The following LAMP2 variants were observed in gnomAD, a reference collection of about 807,000 sequenced individuals.
LAMP2 encodes the protein lysosome-associated membrane glycoprotein 2.
LAMP2 carries 4 observed loss-of-function variants against 25.6 expected under a neutral mutation model. That is an observed-to-expected ratio of 0.16 (90% CI 0.08 to 0.36). LAMP2 has a LOEUF of 0.36. Ranked by LOEUF, LAMP2 falls within the 10% of genes least tolerant of loss-of-function variation. The pLI is 1.00. For missense variants in LAMP2, 272 were observed against 301.4 expected (o/e 0.90, Z 0.72); for synonymous variants, 108 against 112.7 (o/e 0.96, Z 0.27).
At position 120,442,889 on chromosome X, in the gene LAMP2, T is replaced by A. The variant is rs772284522; in HGVS notation, c.865-227A>T. 5.5e-4 allele frequency among the ~76,000 whole-genome samples: 61 copies of A among 111,910 alleles called. No homozygotes were observed. In the Middle Eastern group the frequency reaches 0.014, roughly 25 times the overall value. ...TGGAGCACAGGTGTAGTCATGTGGA[T>A]CTCAGACACTTGAAGATTTATGGCC... is the stretch of plus-strand genomic sequence containing the variant. On this transcript the variant is annotated intron_variant, in intron 6 of 8. Coordinates refer to ENST00000200639, the MANE Select transcript of LAMP2 (RefSeq NM_002294.3).
intron 6 of LAMP2, among the ~76,000 whole-genome samples, chrX:120,443,806 C>A (rs551336966): frequency 9.0e-6 from 1 of 111,001 alleles, no homozygotes; most frequent in African/African-American, 3.3e-5. Context: ...ACGGTGAAAT[C>A]CCGTCTCTAT....
intron 1 of LAMP2, among the ~76,000 whole-genome samples, chrX:120,461,499 A>G: frequency 9.0e-6 from 1 of 110,536 alleles, no homozygotes; most frequent in South Asian, 3.8e-4. Flanking sequence ...AAAAAGTACC[A>G]AGTCTGTGAA....
intron 8 of LAMP2, among the ~76,000 whole-genome samples, chrX:120,439,708 T>C (rs2058563522): frequency 9.0e-6 from 1 of 110,738 alleles, no homozygotes; most frequent in Non-Finnish European, 1.9e-5. Flanking sequence ...TGTGTGCATA[T>C]ACATATACAT....
At chrX:120,456,018 T>C (rs1255895058) in intron 2 of LAMP2, among the ~76,000 whole-genome samples, 1 of 90,086 alleles carries the variant, frequency 1.1e-5, no homozygotes, top group Non-Finnish European at 2.3e-5. Flanking sequence ...ATTACTTTTG[T>C]ACCAACCTAA....
chrX:120,447,504 C>T (rs2058602237), intron 5 of LAMP2, among the ~76,000 whole-genome samples: 1 of 110,505 alleles, frequency 9.0e-6, no homozygotes, highest in Admixed American at 9.7e-5. Flanking sequence ...GTCAGGAGAT[C>T]GAGACCGTCC....
At chrX:120,442,035 T>A (rs1463926784) in intron 7 of LAMP2, 141 bp from the exon 8 acceptor site, 1 of 511,025 alleles carries the variant, frequency 2.0e-6, no homozygotes, top group Non-Finnish European at 3.4e-6. Flanking sequence ...GCCCAGGAGA[T>A]CAAGACCAGC....
At chrX:120,442,037 A>C in intron 7 of LAMP2, 143 bp from the exon 8 acceptor site, 1 of 506,507 alleles carries the variant, frequency 2.0e-6, no homozygotes. Context: ...CCAGGAGATC[A>C]AGACCAGCCT....
chrX:120,430,754 A>C lies in LAMP2; in HGVS notation c.*569T>G. The stretch of plus-strand genomic sequence containing the variant: ...ACTTGAACTCAGAGAAATCAGCAAA[A>C]GTCACATAACCTTTAAAATGCTGAT... On this transcript the variant is annotated 3_prime_UTR_variant, in exon 9 of 9. Transcript: ENST00000200639. The C allele has an allele frequency of 2.6e-6, 2 of 754,837 alleles. No individual in the cohort carries two copies. Among genetic ancestry groups the C allele is most frequent in the Non-Finnish European group, 3.1e-6 (2 of 639,529 alleles). 62.2% of individuals were successfully genotyped at this position (754,837 alleles called of 1,213,427 possible).
rs149155417 is a variant in LAMP2, at chrX:120,447,830, G to A, written c.741+11C>T. 736 of 1,192,854 alleles carry A rather than the reference G, an allele frequency of 6.2e-4. 10 individuals are homozygous for A. In the East Asian group the frequency reaches 0.021, roughly 34 times the overall value. The stretch of plus-strand genomic sequence containing the variant: ...CAAAAAGGATGTATTGATAAAGATA[G>A]ACACCTATACCTTATCCTGAGTGAT... On this transcript the variant is annotated intron_variant, in intron 5 of 8. Coordinates refer to ENST00000200639, the MANE Select transcript of LAMP2 (RefSeq NM_002294.3).
At chrX:120,439,662 TTA>T (rs780434437) in intron 8 of LAMP2, among the ~76,000 whole-genome samples, 9 of 109,879 alleles carry the variant, frequency 8.2e-5, no homozygotes, top group African/African-American at 1.6e-4. Context: ...AATGCACACA[TTA>T]TATATATGAT....
At chrX:120,468,665 T>C (rs1382419468) in intron 1 of LAMP2, among the ~76,000 whole-genome samples, 1 of 110,604 alleles carries the variant, frequency 9.0e-6, no homozygotes, top group Admixed American at 9.7e-5. Context: ...TGGTCTTCTC[T>C]CTTAATTTCC....
chrX:120,457,474 T>C (rs1921146103), intron 1 of LAMP2, among the ~76,000 whole-genome samples: 1 of 112,410 alleles, frequency 8.9e-6, no homozygotes. Flanking sequence ...AGTTCATCAC[T>C]GTTTCACTTT....
rs2058516684 is a variant in LAMP2 at position 120,430,089 on chromosome X, T to C, written c.*1234A>G. 1.3e-6 allele frequency: 1 copy of C among 752,186 alleles called. No individual in the cohort carries two copies. Among genetic ancestry groups the C allele is most frequent in the Admixed American group, 8.7e-5 (1 of 11,477 alleles). 62.0% of individuals were successfully genotyped at this position (752,186 alleles called of 1,213,427 possible). On this transcript the variant is annotated 3_prime_UTR_variant, in exon 9 of 9. Transcript: ENST00000200639. ...CAGCTGGGTAACAAGATACACTGTA[T>C]TGTTAATCAGGAAGTTATAGAGACT...
At position 120,446,386 on chromosome X, in the gene LAMP2, G is replaced by A; in HGVS notation, c.783C>T (p.Ser261=). 1 of 1,206,268 alleles carries A rather than the reference G, an allele frequency of 8.3e-7. No homozygotes were observed. The highest frequency in any genetic ancestry group is 1.1e-6 in the Non-Finnish European group (1 of 890,662). The change falls in exon 6 of 9, where the codon TCC becomes TCT. Residue 261 remains serine, a synonymous_variant. Coordinates refer to ENST00000200639, the MANE Select transcript of LAMP2 (RefSeq NM_002294.3). ...VININPNTTH[S]TGSCRSHTAL... ...CAGTGTGAGAACGGCAGCTGCCTGT[G>A]GAGTGAGTTGTATTGGGGTTGATGT...
Position 120,449,059 on chromosome X carries a change from A to G in LAMP2, c.467T>C (p.Leu156Ser), listed in dbSNP as rs1385890053. The change falls in exon 4 of 9, where the codon TTA becomes TCA. Residue 156 changes from leucine to serine, a missense_variant. Transcript: ENST00000200639. ...AACATCATTCTTTTCCAAAGTTGAT[A>G]AACTATTGCATCTAAAAAGGTCATT... Reference protein sequence around the residue: ...PLNDLFRCNSLSTLEKNDVVQ... With the variant: ...PLNDLFRCNSSSTLEKNDVVQ... The G allele has an allele frequency of 5.0e-6, 6 of 1,202,482 alleles. No homozygotes were observed. In the South Asian group the frequency reaches 5.3e-5, roughly 11 times the overall value.
At chrX:120,446,845 C>T (rs937067655) in intron 5 of LAMP2, among the ~76,000 whole-genome samples, 5 of 111,735 alleles carry the variant, frequency 4.5e-5, no homozygotes, top group Non-Finnish European at 5.6e-5. Context: ...GCTGGAGAAA[C>T]GGATAGCTGT....
Position 120,428,856 on chromosome X carries a change from T to C in LAMP2, c.*2467A>G. ...AGGGAAGAATGGGAAGGGTCCAAAA[T>C]AGAGAATTGCGCTTGCCTAATATGG... On this transcript the variant is annotated 3_prime_UTR_variant, in exon 9 of 9. Coordinates refer to ENST00000200639, the MANE Select transcript of LAMP2 (RefSeq NM_002294.3). 2.7e-6 allele frequency: 2 copies of C among 751,317 alleles called. No homozygotes were observed. The highest frequency in any genetic ancestry group is 3.1e-6 in the Non-Finnish European group (2 of 637,348). 61.9% of individuals were successfully genotyped at this position (751,317 alleles called of 1,213,427 possible). A position where few individuals can be genotyped will look rare whatever the true frequency, so the allele number is the denominator to read the frequency against.
At chrX:120,448,493 T>G (rs754767750) in intron 4 of LAMP2, among the ~76,000 whole-genome samples, 1 of 113,142 alleles carries the variant, frequency 8.8e-6, no homozygotes, top group South Asian at 3.6e-4. Flanking sequence ...GCATTAGCCC[T>G]ATGGCAAATC....
At chrX:120,439,138 C>T (rs796500779) in intron 8 of LAMP2, 3 of 1,208,120 alleles carry the variant, frequency 2.5e-6, no homozygotes, top group Non-Finnish European at 3.4e-6. Context: ...TAACAGAGAT[C>T]ACGTATTGAT....
Sources: allele counts gnomAD v4.1 joint callset (sites outside exome capture counted in the v4.1 genomes callset), GRCh38; gene constraint gnomAD v4.1.1; transcripts MANE v1.5; gene names NCBI Gene and HGNC (gene_info 2026-07-23, HGNC 2026-07-21).